Variants in CCT8L2 observed in about 807,000 individuals in gnomAD.
CCT8L2 encodes the protein T-complex protein 1 subunit theta-like 2.
In CCT8L2, 29 loss-of-function variants were observed where a neutral mutation model predicts 31.5. The observed-to-expected ratio is 0.92, with a 90% confidence interval of 0.68 to 1.25. CCT8L2 has a LOEUF of 1.25. Ranked by LOEUF, CCT8L2 falls within the 50% of genes most tolerant of loss-of-function variation. CCT8L2 has a pLI of 0.00. For synonymous variants in CCT8L2, 256 were observed against 290.1 expected (o/e 0.88, Z 1.19); for missense variants, 589 against 695.7 (o/e 0.85, Z 1.73).
Position 16,592,197 on chromosome 22 carries a change from C to T in CCT8L2, c.354G>A (p.Gln118=). ...GGCCAGCCTTCAGCAGCTGCTCTGC[C>T]TGTTCCAGCAAGGCTTCCGTCAGCA... ...VVLLTEALLE[Q]AEQLLKAGLP... Residue 118 remains glutamine (Q), a synonymous_variant, in exon 1 of 1, where the codon CAG becomes CAA. Transcript: ENST00000359963. 6.2e-7 allele frequency: 1 copy of T among 1,614,022 alleles called. No individual in the cohort carries two copies. The highest frequency in any genetic ancestry group is 1.1e-5 in the South Asian group (1 of 91,064).
rs756247007 is a variant in CCT8L2 at position 16,590,856 on chromosome 22, CCT to C, written c.*19_*20del. ...GGTGATTGTTCCCTTCTTGGCAATC[CCT>C]GTTTTATTGAGGGTATCACTAGTTA... is the stretch of plus-strand genomic sequence containing the variant. On this transcript the variant is annotated 3_prime_UTR_variant, in exon 1 of 1. Transcript: ENST00000359963. 6.6e-7 allele frequency: 1 copy of C among 1,521,420 alleles called. No homozygotes were observed. The highest frequency in any genetic ancestry group is 1.4e-5 in the African/African-American group (1 of 72,082). The allele number at this position is 1,521,420 out of a possible 1,614,324, so 94.2% of individuals were successfully genotyped here.
chr22:16,591,562 AACACC>A lies in CCT8L2; in HGVS notation c.984_988del (p.Glu328AspfsTer35). On this transcript the variant is annotated frameshift_variant, in exon 1 of 1. Transcript: ENST00000359963. LOFTEE classifies it high-confidence loss of function. ...CAGACGAGGCAGCAGAGGTGTGTCC[AACACC>A]TCACTCAGGTAAATGATCTCCATCC... 6.2e-7 allele frequency: 1 copy of A among 1,614,170 alleles called. No homozygotes were observed. The highest frequency in any genetic ancestry group is 8.5e-7 in the Non-Finnish European group (1 of 1,180,000).
rs112419532 is a variant in CCT8L2, at chr22:16,591,104, C to A, written c.1447G>T (p.Glu483Ter). ...TCCTGGGCCACATTTATTATCCCTT[C>A]AGTTCCCACACCCATTAGGAGGTTC... ...GGNLLMGVGT[E>*]GIINVAQEGV... is the part of the protein sequence containing the mutation. The change falls in exon 1 of 1, where the codon GAA becomes TAA. Residue 483 changes from glutamate (E) to a stop codon, truncating the protein, a stop_gained. Coordinates refer to ENST00000359963, the MANE Select transcript of CCT8L2 (RefSeq NM_014406.5). LOFTEE classifies it high-confidence loss of function. The A allele has an allele frequency of 8.7e-6, 14 of 1,613,928 alleles. No homozygotes were observed. Among genetic ancestry groups the A allele is most frequent in the African/African-American group, 8.0e-5 (6 of 74,944 alleles).
At position 16,591,938 on chromosome 22, in the gene CCT8L2, C is replaced by G. The variant is rs766461455; in HGVS notation, c.613G>C (p.Val205Leu). The change falls in exon 1 of 1, where the codon GTG (valine) becomes CTG (leucine). Residue 205 changes from valine to leucine, a missense_variant. Val to Leu is a conservative substitution (Grantham distance 32). Coordinates refer to ENST00000359963, the MANE Select transcript of CCT8L2 (RefSeq NM_014406.5). The part of the protein sequence containing the change: ...DGSFKPERVG[V>L]CALPGGTLED... ...AGTGTCCCCCCGGGCAGCGCGCACA[C>G]CCCAACACGCTCAGGCTTGAAGCTG... 6.2e-7 allele frequency: 1 copy of G among 1,614,100 alleles called. No homozygotes were observed. The highest frequency in any genetic ancestry group is 1.7e-5 in the Admixed American group (1 of 60,016).
chr22:16,592,391 G>A lies in CCT8L2; in HGVS notation c.160C>T (p.His54Tyr). The A allele has an allele frequency of 6.2e-7, 1 of 1,614,190 alleles. No homozygotes were observed. The highest frequency in any genetic ancestry group is 8.5e-7 in the Non-Finnish European group (1 of 1,180,050). ...GTCACCAGGAACTTCTGCCGGCCGT[G>A]GGGGCCATAGCAAGGCCGGATGACA... ...ASVIRPCYGP[H>Y]GRQKFLVTMK... The change falls in exon 1 of 1, where the codon CAC becomes TAC. Residue 54 changes from histidine (H) to tyrosine (Y), a missense_variant. Physicochemically the swap from His to Tyr is moderately conservative, Grantham distance 83. Coordinates refer to ENST00000359963, the MANE Select transcript of CCT8L2 (RefSeq NM_014406.5).
chr22:16,592,358 C>T lies in CCT8L2; in HGVS notation c.193G>A (p.Gly65Arg). Residue 65 changes from glycine (G) to arginine (R), a missense_variant, in exon 1 of 1, where the codon GGA becomes AGA. By Grantham distance (125) the Gly-to-Arg change is moderately radical. Transcript: ENST00000359963. ...GCACACCCCGTGCACACTGTTTCTC[C>T]TTTCATGGTCACCAGGAACTTCTGC... ...GRQKFLVTMK[G>R]ETVCTGCATA... The T allele has an allele frequency of 6.2e-7, 1 of 1,614,228 alleles. No homozygotes were observed. The highest frequency in any genetic ancestry group is 8.5e-7 in the Non-Finnish European group (1 of 1,180,048).
Position 16,591,425 on chromosome 22 carries a change from C to T in CCT8L2, c.1126G>A (p.Val376Ile). 1.2e-6 allele frequency: 2 copies of T among 1,614,078 alleles called. No homozygotes were observed. Among genetic ancestry groups the T allele is most frequent in the Admixed American group, 1.7e-5 (1 of 60,024 alleles). The change falls in exon 1 of 1, where the codon GTT becomes ATT. Residue 376 changes from valine to isoleucine, a missense_variant. Physicochemically the swap from Val to Ile is conservative, Grantham distance 29. Coordinates refer to ENST00000359963, the MANE Select transcript of CCT8L2 (RefSeq NM_014406.5). Reference protein sequence around the residue: ...ECTGTPALTVVLRGATTQGLR... With the variant: ...ECTGTPALTVILRGATTQGLR... Reference sequence around the variant, plus strand: ...CCCTGGGTGGTGGCTCCCCTGAGAACCACAGTGAGGGCAGGTGTGCCTGTA... The same window carrying T: ...CCCTGGGTGGTGGCTCCCCTGAGAATCACAGTGAGGGCAGGTGTGCCTGTA...
Position 16,591,084 on chromosome 22 carries a change from G to A in CCT8L2, c.1467C>T (p.Ala489=). ...TTAGGGTGTCCCACACCCCTTCCTG[G>A]GCCACATTTATTATCCCTTCAGTTC... ...GVGTEGIINV[A]QEGVWDTLIV... Residue 489 remains alanine (A), a synonymous_variant, in exon 1 of 1, where the codon GCC becomes GCT. Transcript: ENST00000359963. The A allele has an allele frequency of 6.2e-7, 1 of 1,613,924 alleles. No individual in the cohort carries two copies. The highest frequency in any genetic ancestry group is 1.1e-5 in the South Asian group (1 of 91,068).
Position 16,590,833 on chromosome 22 carries a change from T to C in CCT8L2, c.*44A>G, listed in dbSNP as rs772250430. 14 of 1,312,878 alleles carry C rather than the reference T, an allele frequency of 1.1e-5. No individual in the cohort carries two copies. The highest frequency in any genetic ancestry group is 2.2e-5 in the Admixed American group (1 of 46,268). The allele number at this position is 1,312,878 out of a possible 1,614,324, so 81.3% of individuals were successfully genotyped here. A position where few individuals can be genotyped will look rare whatever the true frequency, so the allele number is the denominator to read the frequency against. On this transcript the variant is annotated 3_prime_UTR_variant, in exon 1 of 1. Transcript: ENST00000359963. ...TAAAGGCAAACATTCATTTTTGGGG[T>C]GATTGTTCCCTTCTTGGCAATCCCT...
At position 16,591,161 on chromosome 22, in the gene CCT8L2, TCAC is replaced by T; in HGVS notation, c.1387_1389del (p.Val463del). 1 of 1,614,044 alleles carries T rather than the reference TCAC, an allele frequency of 6.2e-7. No individual in the cohort carries two copies. The highest frequency in any genetic ancestry group is 8.5e-7 in the Non-Finnish European group (1 of 1,179,878). On this transcript the variant is annotated inframe_deletion, in exon 1 of 1. Coordinates refer to ENST00000359963, the MANE Select transcript of CCT8L2 (RefSeq NM_014406.5). Reference sequence around the variant, plus strand: ...TGGTGCACTCCACTCATTTCTGCCATCACGTCTGAGACAGCTAAGCCTGCATTC... The same window carrying T: ...TGGTGCACTCCACTCATTTCTGCCATGTCTGAGACAGCTAAGCCTGCATTC...
rs372231331 is a variant in CCT8L2 at position 16,591,368 on chromosome 22, C to A, written c.1183G>T (p.Gly395Cys). ...LRSAEQAVYH[G>C]IDAYFQLCQD... The stretch of plus-strand genomic sequence containing the variant: ...CATAGCTGGAAATAGGCATCAATGC[C>A]GTGGTAGACGGCCTGCTCTGCACTC... The change falls in exon 1 of 1, where the codon GGC (glycine) becomes TGC (cysteine). Residue 395 changes from glycine to cysteine, a missense_variant. Transcript: ENST00000359963. The A allele has an allele frequency of 8.1e-6, 13 of 1,614,052 alleles. No homozygotes were observed. In the African/African-American group the frequency reaches 1.7e-4, roughly 22 times the overall value.
Position 16,591,376 on chromosome 22 carries a change from A to G in CCT8L2, c.1175T>C (p.Val392Ala), listed in dbSNP as rs1408030702. Residue 392 changes from valine (V) to alanine (A), a missense_variant, in exon 1 of 1, where the codon GTC becomes GCC. By Grantham distance (64) the Val-to-Ala change is moderately conservative. Coordinates refer to ENST00000359963, the MANE Select transcript of CCT8L2 (RefSeq NM_014406.5). ...GAAATAGGCATCAATGCCGTGGTAG[A>G]CGGCCTGCTCTGCACTCCGCAGCCC... The part of the protein sequence containing the change: ...TQGLRSAEQA[V>A]YHGIDAYFQL... 15 of 1,613,890 alleles carry G rather than the reference A, an allele frequency of 9.3e-6. No homozygotes were observed. The highest frequency in any genetic ancestry group is 1.3e-5 in the Non-Finnish European group (15 of 1,179,882).
chr22:16,591,915 T>G lies in CCT8L2; in HGVS notation c.636A>C (p.Thr212=). Residue 212 remains threonine, a synonymous_variant, in exon 1 of 1, where the codon ACA becomes ACC. Coordinates refer to ENST00000359963, the MANE Select transcript of CCT8L2 (RefSeq NM_014406.5). ...CCGGGAGGAGGCAGGAATCCTCCAGTGTCCCCCCGGGCAGCGCGCACACCC... is the reference window on the plus strand; with the variant it reads ...CCGGGAGGAGGCAGGAATCCTCCAGGGTCCCCCCGGGCAGCGCGCACACCC... ...RVGVCALPGG[T]LEDSCLLPGL... is the part of the protein sequence containing the mutation. 5.6e-6 allele frequency: 9 copies of G among 1,614,104 alleles called. No individual in the cohort carries two copies. Among genetic ancestry groups the G allele is most frequent in the Non-Finnish European group, 7.6e-6 (9 of 1,179,994 alleles).
chr22:16,591,681 A>T lies in CCT8L2; in HGVS notation c.870T>A (p.Ile290=). 6.2e-7 allele frequency: 1 copy of T among 1,614,184 alleles called. No homozygotes were observed. The highest frequency in any genetic ancestry group is 8.5e-7 in the Non-Finnish European group (1 of 1,180,026). ...KQVGQLAAAG[I]NVAVVLGEVD... is the part of the protein sequence containing the mutation. ...CCTCCCCCAACACCACTGCCACATT[A>T]ATTCCTGCAGCTGCTAGCTGGCCTA... is the stretch of plus-strand genomic sequence containing the variant. The change falls in exon 1 of 1, where the codon ATT becomes ATA. Residue 290 remains isoleucine, a synonymous_variant. Coordinates refer to ENST00000359963, the MANE Select transcript of CCT8L2 (RefSeq NM_014406.5).
rs756289090 is a variant in CCT8L2, at chr22:16,591,894, G to T, written c.657C>A (p.Leu219=). Residue 219 remains leucine (L), a synonymous_variant, in exon 1 of 1, where the codon CTC becomes CTA. Coordinates refer to ENST00000359963, the MANE Select transcript of CCT8L2 (RefSeq NM_014406.5). ...PGGTLEDSCL[L]PGLAISGKLC... ...GCTTCCCAGATATTGCTAACCCCGG[G>T]AGGAGGCAGGAATCCTCCAGTGTCC... The T allele has an allele frequency of 4.5e-5, 72 of 1,614,014 alleles. No homozygotes were observed. The East Asian group carries it at 1.6e-3, about 35-fold the overall frequency.
rs780102770 is a variant in CCT8L2 at position 16,591,900 on chromosome 22, G to A, written c.651C>T (p.Cys217=). The change falls in exon 1 of 1, where the codon TGC becomes TGT. Residue 217 remains cysteine (C), a synonymous_variant. Transcript: ENST00000359963. ...CAGATATTGCTAACCCCGGGAGGAG[G>A]CAGGAATCCTCCAGTGTCCCCCCGG... ...ALPGGTLEDS[C]LLPGLAISGK... is the part of the protein sequence containing the mutation. 6.2e-7 allele frequency: 1 copy of A among 1,614,102 alleles called. No homozygotes were observed.
chr22:16,592,282 A>T lies in CCT8L2; in HGVS notation c.269T>A (p.Leu90His). ...LELEHPAAWLLREAGQTQAEN... is the reference protein window; with the variant it reads ...LELEHPAAWLHREAGQTQAEN... The stretch of plus-strand genomic sequence containing the variant: ...TGCCTGGGTTTGTCCTGCTTCCCGG[A>T]GGAGCCATGCTGCTGGGTGCTCCAG... Residue 90 changes from leucine to histidine, a missense_variant, in exon 1 of 1, where the codon CTC (leucine) becomes CAC (histidine). By Grantham distance (99) the Leu-to-His change is moderately conservative (BLOSUM62 -3). Transcript: ENST00000359963. 1 of 1,614,208 alleles carries T rather than the reference A, an allele frequency of 6.2e-7. No individual in the cohort carries two copies. The highest frequency in any genetic ancestry group is 8.5e-7 in the Non-Finnish European group (1 of 1,180,034).
chr22:16,591,375 G>A lies in CCT8L2; in HGVS notation c.1176C>T (p.Val392=). 1 of 1,614,038 alleles carries A rather than the reference G, an allele frequency of 6.2e-7. No homozygotes were observed. Among genetic ancestry groups the A allele is most frequent in the Non-Finnish European group, 8.5e-7 (1 of 1,179,876 alleles). ...TQGLRSAEQA[V]YHGIDAYFQL... is the part of the protein sequence containing the mutation. ...GGAAATAGGCATCAATGCCGTGGTA[G>A]ACGGCCTGCTCTGCACTCCGCAGCC... The change falls in exon 1 of 1, where the codon GTC becomes GTT. Residue 392 remains valine, a synonymous_variant. Transcript: ENST00000359963.
In CCT8L2 at chr22:16,590,983, G is replaced by A. The variant is rs773770330; in HGVS notation, c.1568C>T (p.Ala523Val). Residue 523 changes from alanine to valine, a missense_variant, in exon 1 of 1, where the codon GCC (alanine) becomes GTC (valine). Transcript: ENST00000359963. The part of the protein sequence containing the change: ...QLVTVDEIVV[A>V]KKSPTHQEIW... ...CTCCTGATGTGTGGGACTTTTCTTG[G>A]CCACTACGATTTCATCTACAGTCAC... 2 of 1,613,772 alleles carry A rather than the reference G, an allele frequency of 1.2e-6. No individual in the cohort carries two copies. The highest frequency in any genetic ancestry group is 1.7e-5 in the Admixed American group (1 of 59,984).
Sources: allele counts gnomAD v4.1 joint callset, GRCh38; gene constraint gnomAD v4.1.1; transcripts MANE v1.5; gene names NCBI Gene and HGNC (gene_info 2026-07-23, HGNC 2026-07-21).